Variants in CSMD1 observed in about 807,000 individuals in gnomAD.
CSMD1 encodes CUB and Sushi multiple domains 1, also known as CUB and sushi domain-containing protein 1.
CSMD1 carries 213 observed loss-of-function variants against 417.5 expected under a neutral mutation model. That is an observed-to-expected ratio of 0.51 (90% CI 0.46 to 0.57). CSMD1 has a LOEUF of 0.57. Among genes scored for constraint, CSMD1 ranks in the 20% least tolerant of loss-of-function variants. The pLI, the probability that CSMD1 is intolerant of heterozygous loss-of-function variation, is 0.00. For missense variants in CSMD1, 6,923 were observed against 4,529.7 expected (o/e 1.53, Z -15.17); for synonymous variants, 2,862 against 1,736.8 (o/e 1.65, Z -16.11).
rs868319220 is a variant in CSMD1 at position 3,833,582 on chromosome 8, T to A, written c.819-79540A>T. ...TGGTAATCAACTTTTTTGTTTTTCATAATTTTGATGATACTTTGAACAATA... is the reference window on the plus strand; with the variant it reads ...TGGTAATCAACTTTTTTGTTTTTCAAAATTTTGATGATACTTTGAACAATA... On this transcript the variant is annotated intron_variant, in intron 5 of 69. Transcript: ENST00000635120. Among the ~76,000 whole-genome samples, 11 of 152,284 alleles carry A rather than the reference T, an allele frequency of 7.2e-5. No homozygotes were observed. The East Asian group carries it at 1.3e-3, about 19-fold the overall frequency.
chr8:3,763,610 C>G (rs1798124061), intron 5 of CSMD1, among the ~76,000 whole-genome samples: 1 of 152,124 alleles, frequency 6.6e-6, no homozygotes, highest in South Asian at 2.1e-4. Context: ...CCAAATAAAC[C>G]TCTGTTTTAA....
chr8:4,227,378 C>T (rs1034009780), intron 3 of CSMD1, among the ~76,000 whole-genome samples: 3 of 152,076 alleles, frequency 2.0e-5, no homozygotes, highest in African/African-American at 7.2e-5. Context: ...TTTAAGAACC[C>T]TATTCTATCC....
At chr8:4,049,606 T>C (rs1038629239) in intron 3 of CSMD1, among the ~76,000 whole-genome samples, 1 of 152,158 alleles carries the variant, frequency 6.6e-6, no homozygotes, top group Non-Finnish European at 1.5e-5. Context: ...ATTTAGGGTT[T>C]AATATTTCAT....
chr8:4,295,170 G>A lies in CSMD1; in HGVS notation c.415+124783C>T, dbSNP rs565662664. On this transcript the variant is annotated intron_variant, in intron 3 of 69. Coordinates refer to ENST00000635120, the MANE Select transcript of CSMD1 (RefSeq NM_033225.6). ...TAAGATTACGCACATATAATCTTAA[G>A]ATTATATAATCTTAAGATTATGCAC... 5.0e-5 allele frequency among the ~76,000 whole-genome samples: 7 copies of A among 140,192 alleles called. No homozygotes were observed. In the South Asian group the frequency reaches 9.0e-4, roughly 18 times the overall value. 92.0% of individuals were successfully genotyped at this position (140,192 alleles called of 152,430 possible).
chr8:4,638,169 T>A (rs1207051389), intron 1 of CSMD1, among the ~76,000 whole-genome samples: 1 of 152,290 alleles, frequency 6.6e-6, no homozygotes, highest in East Asian at 1.9e-4. Context: ...TTTCAGTTCA[T>A]GGGGGAACAA....
chr8:4,508,913 G>A (rs1802676409), intron 2 of CSMD1, among the ~76,000 whole-genome samples: 1 of 152,078 alleles, frequency 6.6e-6, no homozygotes, highest in African/African-American at 2.4e-5. Flanking sequence ...ATAGGATGGT[G>A]CACAGGGGCA....
intron 5 of CSMD1, among the ~76,000 whole-genome samples, chr8:3,956,223 C>G (rs181692435): frequency 2.0e-5 from 3 of 151,958 alleles, no homozygotes; most frequent in Non-Finnish European, 4.4e-5. Flanking sequence ...ATATAATGTG[C>G]CAGGTGGTGT....
At chr8:3,549,925 G>T (rs1033691498) in intron 10 of CSMD1, among the ~76,000 whole-genome samples, 1 of 152,164 alleles carries the variant, frequency 6.6e-6, no homozygotes, top group African/African-American at 2.4e-5. Context: ...CAGATTTATT[G>T]AAAGAAAATT....
At chr8:4,234,307 C>G (rs995014415) in intron 3 of CSMD1, among the ~76,000 whole-genome samples, 1 of 152,106 alleles carries the variant, frequency 6.6e-6, no homozygotes, top group Non-Finnish European at 1.5e-5. Flanking sequence ...ATAGAGCTGG[C>G]GATTGCAGAC....
At chr8:4,145,345 TGTCAGAAAGATCTGGA>T (rs1804047190) in intron 3 of CSMD1, among the ~76,000 whole-genome samples, 3 of 151,066 alleles carry the variant, frequency 2.0e-5, no homozygotes, top group Non-Finnish European at 2.9e-5. Flanking sequence ...TGATCCAATA[TGTCAGAAAGATCTGGA>T]AAAATGTCCC....
chr8:3,086,108 G>T (rs1344953758), intron 49 of CSMD1, among the ~76,000 whole-genome samples: 1 of 151,918 alleles, frequency 6.6e-6, no homozygotes, highest in East Asian at 1.9e-4. Flanking sequence ...CAGATTCTAC[G>T]ACTCTGTTCT....
intron 2 of CSMD1, among the ~76,000 whole-genome samples, chr8:4,554,433 G>A (rs565269196): frequency 3.3e-5 from 5 of 152,080 alleles, no homozygotes; most frequent in African/African-American, 7.2e-5. Context: ...AGGCCACCGC[G>A]CCCAGACACA....
chr8:3,557,789 G>C (rs1031604887), intron 10 of CSMD1, among the ~76,000 whole-genome samples: 4 of 152,300 alleles, frequency 2.6e-5, no homozygotes, highest in Middle Eastern at 3.4e-3. Flanking sequence ...AGGACAGATA[G>C]AGTCTTTGGT....
intron 11 of CSMD1, among the ~76,000 whole-genome samples, chr8:3,485,747 G>A (rs1031515207): frequency 9.7e-5 from 14 of 144,914 alleles, no homozygotes; most frequent in Admixed American, 7.7e-4. Context: ...GTGACAGAGC[G>A]AGACTCAGCC....
At chr8:4,408,908 A>C (rs7831858) in intron 3 of CSMD1, among the ~76,000 whole-genome samples, 57 of 152,332 alleles carry the variant, frequency 3.7e-4, no homozygotes, top group African/African-American at 1.3e-3. Context: ...CATCAACTTT[A>C]GGTAGCAAGA....
chr8:3,140,109 G>C (rs1203885547), intron 41 of CSMD1, among the ~76,000 whole-genome samples: 1 of 151,938 alleles, frequency 6.6e-6, no homozygotes, highest in Non-Finnish European at 1.5e-5. Flanking sequence ...TCACCATATC[G>C]GCCAGGTTGG....
intron 3 of CSMD1, among the ~76,000 whole-genome samples, chr8:4,142,610 A>T (rs754750444): frequency 1.3e-5 from 2 of 151,146 alleles, no homozygotes; most frequent in Non-Finnish European, 2.9e-5. Context: ...CTAGCTTAGC[A>T]GCACTGGCTC....
chr8:4,772,677 A>C (rs951741331), intron 1 of CSMD1, among the ~76,000 whole-genome samples: 16 of 152,192 alleles, frequency 1.1e-4, no homozygotes, highest in Non-Finnish European at 1.6e-4. Context: ...AAGCCATAAA[A>C]ATGTATCTGT....
intron 1 of CSMD1, among the ~76,000 whole-genome samples, chr8:4,663,532 C>G (rs1039388304): frequency 6.6e-6 from 1 of 152,120 alleles, no homozygotes; most frequent in Non-Finnish European, 1.5e-5. Flanking sequence ...ATAGTGCATG[C>G]TAGTGAGTTC....
Sources: gnomAD v4.1 joint callset for allele counts (sites outside exome capture counted in the v4.1 genomes callset) on GRCh38, gnomAD v4.1.1 for gene constraint, MANE v1.5 for transcripts, NCBI Gene and HGNC (gene_info 2026-07-23, HGNC 2026-07-21) for gene names.